Variants in JAKMIP3 observed in about 807,000 individuals in gnomAD.
JAKMIP3 encodes the protein Janus kinase and microtubule interacting protein 3.
JAKMIP3 carries 58 observed loss-of-function variants against 118.5 expected under a neutral mutation model. The observed-to-expected ratio is 0.49, with a 90% CI of 0.40 to 0.61. The LOEUF is 0.61. Ranked by LOEUF, JAKMIP3 falls within the 20% of genes least tolerant of loss-of-function variation. The pLI is 0.00. For synonymous variants in JAKMIP3, 486 were observed against 451.2 expected, an observed-to-expected ratio of 1.08 and a Z score of -0.98; for missense variants, 950 against 1,109.0, an observed-to-expected ratio of 0.86 and a Z score of 2.04.
chr10:132,068,390 C>T (rs1014305284), intron 1 of JAKMIP3, among the ~76,000 whole-genome samples: 13 of 152,262 alleles, frequency 8.5e-5, no homozygotes, highest in Non-Finnish European at 1.8e-4. Flanking sequence ...CTCTTTAGTA[C>T]GGGGATTGAA....
At chr10:132,071,250 A>AT (rs201414112) in intron 1 of JAKMIP3, among the ~76,000 whole-genome samples, 9 of 149,212 alleles carry the variant, frequency 6.0e-5, no homozygotes, top group African/African-American at 1.7e-4. Context: ...TTCTCGTTCA[A>AT]TTTCTTTTTG....
intron 2 of JAKMIP3, among the ~76,000 whole-genome samples, chr10:132,111,703 A>G (rs1033044870): frequency 6.6e-6 from 1 of 152,190 alleles, no homozygotes; most frequent in Admixed American, 6.5e-5. Flanking sequence ...GCCATGCTCC[A>G]GGCACAGCCA....
chr10:132,113,747 G>A (rs2047208898), intron 2 of JAKMIP3, among the ~76,000 whole-genome samples: 3 of 152,146 alleles, frequency 2.0e-5, no homozygotes, highest in Admixed American at 1.3e-4. Flanking sequence ...TTTTATATCG[G>A]AAACCTACCA....
chr10:132,166,194 C>CA (rs2058881649), intron 21 of JAKMIP3, among the ~76,000 whole-genome samples: 2 of 152,060 alleles, frequency 1.3e-5, no homozygotes. Context: ...GACATGGTGG[C>CA]ACGTGCCTAT....
At chr10:132,067,203 A>G (rs987263858) in intron 1 of JAKMIP3, among the ~76,000 whole-genome samples, 7 of 149,414 alleles carry the variant, frequency 4.7e-5, no homozygotes, top group Non-Finnish European at 8.9e-5. Context: ...CACAGAGTAG[A>G]TCAATATGAT....
At chr10:132,075,082 T>G (rs559635149) in intron 1 of JAKMIP3, among the ~76,000 whole-genome samples, 33 of 152,330 alleles carry the variant, frequency 2.2e-4, no homozygotes, top group Non-Finnish European at 3.5e-4. Flanking sequence ...TACTATAACT[T>G]TGTAGTATAA....
chr10:132,093,821 C>T (rs2043447126), intron 1 of JAKMIP3, among the ~76,000 whole-genome samples: 1 of 152,022 alleles, frequency 6.6e-6, no homozygotes, highest in Non-Finnish European at 1.5e-5. Flanking sequence ...CCCCCATCTT[C>T]TATGTCACTC....
At chr10:132,163,122 G>A (rs922664947) in intron 19 of JAKMIP3, 87 bp from the exon 20 acceptor site, 42 of 1,285,474 alleles carry the variant, frequency 3.3e-5, no homozygotes, top group South Asian at 2.3e-4. Flanking sequence ...GCTCCCAGGC[G>A]GAGGGTGGCC....
upstream of JAKMIP3, among the ~76,000 whole-genome samples, chr10:132,061,639 G>A (rs2038401905): frequency 6.6e-6 from 1 of 152,186 alleles, no homozygotes; most frequent in Admixed American, 6.5e-5. Context: ...AAATGGAGCA[G>A]AATTGCCACC....
rs142786240 is a variant in JAKMIP3 at position 132,162,497 on chromosome 10, T to G, written c.2221-712T>G. On this transcript the variant is annotated intron_variant, in intron 19 of 23. Coordinates refer to ENST00000684848, the MANE Select transcript of JAKMIP3 (RefSeq NM_001323087.2). ...TGACTGTAAGAAGTGGAGGTTGATG[T>G]GCGAGCTGGTTGTGACAGCTGGGGA... Among the ~76,000 whole-genome samples the G allele has an allele frequency of 4.7e-3, 717 of 152,338 alleles. 7 individuals are homozygous for G. Among genetic ancestry groups the G allele is most frequent in the African/African-American group, 0.016 (677 of 41,582 alleles).
chr10:132,180,706 T>TGTGC (rs2061111197), intron 23 of JAKMIP3, among the ~76,000 whole-genome samples: 6 of 25,898 alleles, frequency 2.3e-4, no homozygotes, highest in African/African-American at 1.4e-3. Flanking sequence ...CGTGTGTGTG[T>TGTGC]GCGCGTGTGT....
chr10:132,180,636 TGC>T (rs1236998155), intron 23 of JAKMIP3, among the ~76,000 whole-genome samples: 499 of 15,990 alleles, frequency 0.031, 63 homozygotes, highest in East Asian at 0.2. Flanking sequence ...CGTGTGTGCG[TGC>T]GTGTGTGCGT....
chr10:132,094,785 C>T (rs1202040093), intron 1 of JAKMIP3, among the ~76,000 whole-genome samples: 1 of 152,012 alleles, frequency 6.6e-6, no homozygotes, highest in Non-Finnish European at 1.5e-5. Flanking sequence ...TGAGTGGGGC[C>T]CTGGAACTCC....
chr10:132,157,850 C>G (rs2057280897), intron 19 of JAKMIP3, among the ~76,000 whole-genome samples: 1 of 151,942 alleles, frequency 6.6e-6, no homozygotes, highest in East Asian at 1.9e-4. Flanking sequence ...TGTTGTTGCT[C>G]TTTGATATCA....
At chr10:132,108,557 C>T (rs532167227) in intron 2 of JAKMIP3, among the ~76,000 whole-genome samples, 6 of 152,204 alleles carry the variant, frequency 3.9e-5, no homozygotes, top group Admixed American at 3.9e-4. Context: ...CCAGAGCGCT[C>T]TCTGACCCTG....
At chr10:132,103,825 G>A (rs1248997101) in intron 1 of JAKMIP3, among the ~76,000 whole-genome samples, 2 of 152,116 alleles carry the variant, frequency 1.3e-5, no homozygotes, top group Admixed American at 6.5e-5. Context: ...GGGACACAGA[G>A]CCAGACCCTA....
intron 2 of JAKMIP3, among the ~76,000 whole-genome samples, chr10:132,115,280 G>C (rs1027117582): frequency 6.6e-6 from 1 of 152,106 alleles, no homozygotes; most frequent in East Asian, 1.9e-4. Flanking sequence ...ATCGCGGCTA[G>C]GGGTCACCCT....
At chr10:132,107,858 G>A (rs1198437468) in intron 2 of JAKMIP3, among the ~76,000 whole-genome samples, 1 of 152,248 alleles carries the variant, frequency 6.6e-6, no homozygotes, top group African/African-American at 2.4e-5. Context: ...AAGAACTCCT[G>A]CAGGAGACGT....
At chr10:132,122,847 G>A (rs183927122) in intron 3 of JAKMIP3, among the ~76,000 whole-genome samples, 5 of 152,220 alleles carry the variant, frequency 3.3e-5, no homozygotes, top group African/African-American at 9.7e-5. Flanking sequence ...CCAGAAGGTT[G>A]TGGTGGGTGG....
Sources: allele counts gnomAD v4.1 joint callset (sites outside exome capture counted in the v4.1 genomes callset), GRCh38; gene constraint gnomAD v4.1.1; transcripts MANE v1.5; gene names NCBI Gene and HGNC (gene_info 2026-07-23, HGNC 2026-07-21).